PLEKHA2: variants seen among roughly 807,000 people sequenced by gnomAD.
PLEKHA2 encodes the protein pleckstrin homology domain-containing family A member 2.
A neutral mutation model predicts 53.2 loss-of-function variants in PLEKHA2; 28 were observed. The observed-to-expected ratio is 0.53, with a 90% CI of 0.39 to 0.72. The LOEUF (loss-of-function observed/expected upper bound fraction) is 0.72. Ranked by LOEUF, PLEKHA2 falls within the 30% of genes least tolerant of loss-of-function variation. The probability of loss-of-function intolerance (pLI) is 0.00; values close to 1 mark genes in which losing one functional copy is unlikely to be tolerated. For synonymous variants in PLEKHA2, 193 were observed against 196.4 expected, an observed-to-expected ratio of 0.98 and a Z score of 0.14; for missense variants, 426 against 537.9, an observed-to-expected ratio of 0.79 and a Z score of 2.06.
At position 38,907,909 on chromosome 8, in the gene PLEKHA2, A is replaced by G. The variant is rs562020681; in HGVS notation, c.-24+6464A>G. On this transcript the variant is annotated intron_variant, in intron 1 of 11. Coordinates refer to ENST00000617275, the MANE Select transcript of PLEKHA2 (RefSeq NM_021623.2). Reference sequence around the variant, plus strand: ...CTCCTGTCACCCAGGCTGGAGTGCAATGGTGTGAGACATTGGCTCAACTGC... The same window carrying G: ...CTCCTGTCACCCAGGCTGGAGTGCAGTGGTGTGAGACATTGGCTCAACTGC... 4.6e-4 allele frequency among the ~76,000 whole-genome samples: 70 copies of G among 151,912 alleles called. 1 individual carries two copies. Among genetic ancestry groups the G allele is most frequent in the South Asian group, 2.1e-3 (10 of 4,806 alleles).
intron 10 of PLEKHA2, among the ~76,000 whole-genome samples, chr8:38,959,447 T>C (rs1412818740): frequency 6.6e-6 from 1 of 152,206 alleles, no homozygotes. Context: ...AACAAAGGGC[T>C]TGATCTGATC....
At chr8:38,961,852 T>C (rs1835047427) in intron 10 of PLEKHA2, among the ~76,000 whole-genome samples, 1 of 152,202 alleles carries the variant, frequency 6.6e-6, no homozygotes, top group Admixed American at 6.5e-5. Flanking sequence ...ATGTCATATT[T>C]ACGTATAATT....
intron 5 of PLEKHA2, among the ~76,000 whole-genome samples, chr8:38,949,299 T>C (rs1380275582): frequency 6.6e-6 from 1 of 151,416 alleles, no homozygotes; most frequent in East Asian, 1.9e-4. Flanking sequence ...ATGAGTGAAG[T>C]GGGCAAGGAG....
At chr8:38,932,013 C>T (rs1197956659) in intron 2 of PLEKHA2, among the ~76,000 whole-genome samples, 1 of 152,040 alleles carries the variant, frequency 6.6e-6, no homozygotes, top group Non-Finnish European at 1.5e-5. Context: ...TAAATAGAGT[C>T]AGGGCCTCGC....
rs1279359109 is a variant in PLEKHA2, at chr8:38,972,104, A to G, written c.*2321A>G. Reference sequence around the variant, plus strand: ...TATCCTGATAAAGGGAAACGAGGACACTAAGACTGTCAAATGGAAATCTTC... The same window carrying G: ...TATCCTGATAAAGGGAAACGAGGACGCTAAGACTGTCAAATGGAAATCTTC... On this transcript the variant is annotated 3_prime_UTR_variant, in exon 12 of 12. Coordinates refer to ENST00000617275, the MANE Select transcript of PLEKHA2 (RefSeq NM_021623.2). 1 of 152,234 alleles carries G rather than the reference A, an allele frequency of 6.6e-6. No individual in the cohort carries two copies. The highest frequency in any genetic ancestry group is 1.5e-5 in the Non-Finnish European group (1 of 68,040). 9.4% of individuals were successfully genotyped at this position (152,234 alleles called of 1,614,324 possible).
intron 1 of PLEKHA2, among the ~76,000 whole-genome samples, chr8:38,909,493 G>C (rs191142687): frequency 6.6e-6 from 1 of 152,234 alleles, no homozygotes; most frequent in Non-Finnish European, 1.5e-5. Context: ...TCTGGGCTAT[G>C]TGCTATTTTC....
intron 2 of PLEKHA2, among the ~76,000 whole-genome samples, chr8:38,933,790 A>AAAAAAAAAAAAAAAAAAAAAAAAT (rs71216697): frequency 1.1e-5 from 1 of 90,662 alleles, no homozygotes; most frequent in Non-Finnish European, 2.4e-5. Flanking sequence ...AAAAAAAAAA[A>AAAAAAAAAAAAAAAAAAAAAAAAT]AAAAGAAAAG....
At chr8:38,965,151 T>G (rs1226812297) in intron 10 of PLEKHA2, among the ~76,000 whole-genome samples, 3 of 152,190 alleles carry the variant, frequency 2.0e-5, no homozygotes, top group Non-Finnish European at 4.4e-5. Context: ...ATAGTGGTAT[T>G]TTGATTCTTG....
In PLEKHA2 at chr8:38,922,865, AGGT is replaced by A. The variant is rs1220633432; in HGVS notation, c.141+4799_141+4801del. 6.6e-6 allele frequency among the ~76,000 whole-genome samples: 1 copy of A among 152,168 alleles called. No individual in the cohort carries two copies. The highest frequency in any genetic ancestry group is 1.9e-4 in the East Asian group (1 of 5,204). On this transcript the variant is annotated intron_variant, in intron 2 of 11. Transcript: ENST00000617275. This position sits in a 1 kb window ranked among gnomAD's most constrained non-coding sequence, Gnocchi z 4.0. ...TGTTACTCTTTGCTCATGGTTGTGCAGGTGGTAAATGCAGCGCTGGAGCCAGGT... is the reference window on the plus strand; with the variant it reads ...TGTTACTCTTTGCTCATGGTTGTGCAGGTAAATGCAGCGCTGGAGCCAGGT...
In PLEKHA2 at chr8:38,973,002, A is replaced by G. The variant is rs1835280450; in HGVS notation, c.*3219A>G. On this transcript the variant is annotated 3_prime_UTR_variant, in exon 12 of 12. Coordinates refer to ENST00000617275, the MANE Select transcript of PLEKHA2 (RefSeq NM_021623.2). ...ACCCAGGCTGGAGTGCAGTGGCCTG[A>G]TCATGGCTCACTGCAGCCTGGACCT... 2 of 152,132 alleles carry G rather than the reference A, an allele frequency of 1.3e-5. No individual in the cohort carries two copies. The highest frequency in any genetic ancestry group is 1.3e-4 in the Admixed American group (2 of 15,266). The allele number at this position is 152,132 out of a possible 1,614,324, so 9.4% of individuals were successfully genotyped here. A position where few individuals can be genotyped will look rare whatever the true frequency, so the allele number is the denominator to read the frequency against.
chr8:38,952,332 C>G lies in PLEKHA2; in HGVS notation c.633+20C>G, dbSNP rs1333334245. On this transcript the variant is annotated intron_variant, in intron 7 of 11. Coordinates refer to ENST00000617275, the MANE Select transcript of PLEKHA2 (RefSeq NM_021623.2). ...AATGTGGTGAGTGTCAGCACAGGGGCTGAATTGGGGTTCTGGTGACTCCTC... is the reference window on the plus strand; with the variant it reads ...AATGTGGTGAGTGTCAGCACAGGGGGTGAATTGGGGTTCTGGTGACTCCTC... The G allele has an allele frequency of 1.2e-6, 2 of 1,609,060 alleles. No homozygotes were observed. Among genetic ancestry groups the G allele is most frequent in the Non-Finnish European group, 1.7e-6 (2 of 1,177,686 alleles).
In PLEKHA2 at chr8:38,943,781, T is replaced by G. The variant is rs983056907; in HGVS notation, c.199-8T>G. 7.7e-6 allele frequency: 12 copies of G among 1,552,660 alleles called. No homozygotes were observed. Among genetic ancestry groups the G allele is most frequent in the Non-Finnish European group, 1.0e-5 (12 of 1,149,584 alleles). ...ATTCATGTTTCTTTTATTTCTTATT[T>G]GATTTAGGTGAGCATAGCTACCCCA... On this transcript the variant is annotated splice_polypyrimidine_tract_variant and splice_region_variant and intron_variant, in intron 3 of 11. Coordinates refer to ENST00000617275, the MANE Select transcript of PLEKHA2 (RefSeq NM_021623.2).
intron 2 of PLEKHA2, among the ~76,000 whole-genome samples, chr8:38,933,225 A>G (rs1313343995): frequency 6.6e-6 from 1 of 151,994 alleles, no homozygotes; most frequent in Admixed American, 6.6e-5. Context: ...TGCATCTTGT[A>G]ATTAGTGCTG....
At chr8:38,953,173 A>C in intron 8 of PLEKHA2, 124 bp from the exon 9 acceptor site, 1 of 803,074 alleles carries the variant, frequency 1.2e-6, no homozygotes, top group Non-Finnish European at 2.1e-6. Context: ...TTATTTTGAG[A>C]CCAGATTATT....
chr8:38,967,409 G>T (rs117049220), intron 10 of PLEKHA2, among the ~76,000 whole-genome samples: 2 of 152,102 alleles, frequency 1.3e-5, no homozygotes, highest in East Asian at 3.8e-4. Flanking sequence ...TCTATTTTTA[G>T]TTCTTTGAGA....
At chr8:38,949,619 G>T (rs1244825443) in intron 5 of PLEKHA2, among the ~76,000 whole-genome samples, 2 of 152,182 alleles carry the variant, frequency 1.3e-5, no homozygotes, top group Non-Finnish European at 2.9e-5. Context: ...ATCAGCTGTG[G>T]TACCATATCT....
chr8:38,926,910 C>T (rs1834298720), intron 2 of PLEKHA2, among the ~76,000 whole-genome samples: 1 of 151,914 alleles, frequency 6.6e-6, no homozygotes, highest in African/African-American at 2.4e-5. Context: ...AGCGAGACTC[C>T]ATCTCAAAAA....
intron 7 of PLEKHA2, 23 bp from the exon 8 acceptor site, chr8:38,952,613 T>C: frequency 6.2e-7 from 1 of 1,601,496 alleles, no homozygotes; most frequent in Non-Finnish European, 8.5e-7. Context: ...GCTAATGGTC[T>C]GCCTTTTATT....
At chr8:38,904,161 G>A (rs761537910) in intron 1 of PLEKHA2, among the ~76,000 whole-genome samples, 3 of 152,164 alleles carry the variant, frequency 2.0e-5, no homozygotes, top group Non-Finnish European at 4.4e-5. Flanking sequence ...AGAGGAGGCC[G>A]GGGGTTGGTG....
Sources: allele counts gnomAD v4.1 joint callset (sites outside exome capture counted in the v4.1 genomes callset), GRCh38; gene constraint gnomAD v4.1.1; non-coding constraint Gnocchi (gnomAD v3.1); transcripts MANE v1.5; gene names NCBI Gene and HGNC (gene_info 2026-07-23, HGNC 2026-07-21).